The following ZNF804A variants were observed in gnomAD, a reference collection of about 807,000 sequenced individuals.
The protein encoded by ZNF804A is zinc finger protein 804A.
In ZNF804A, 2 loss-of-function variants were observed where a neutral mutation model predicts 16.5. That is an observed-to-expected ratio of 0.12 (90% CI 0.05 to 0.38). The LOEUF is 0.38. ZNF804A is among the 10% of genes least tolerant of loss of function. The pLI, the probability that ZNF804A is intolerant of heterozygous loss-of-function variation, is 0.99. For missense variants in ZNF804A, 1,473 were observed against 1,390.7 expected (o/e 1.06, Z -0.94); for synonymous variants, 534 against 489.6 (o/e 1.09, Z -1.20).
chr2:184,729,048 T>C (rs1329961128), intron 1 of ZNF804A, among the ~76,000 whole-genome samples: 1 of 151,754 alleles, frequency 6.6e-6, no homozygotes, highest in Non-Finnish European at 1.5e-5. Context: ...GGTTAAGGGA[T>C]TGGGGAGATG....
intron 2 of ZNF804A, among the ~76,000 whole-genome samples, chr2:184,924,702 G>T (rs1685580920): frequency 6.6e-6 from 1 of 151,430 alleles, no homozygotes; most frequent in South Asian, 2.1e-4. Flanking sequence ...TCTTAGTAGT[G>T]CTTTGGTTGT....
At chr2:184,727,039 T>G (rs370569884) in intron 1 of ZNF804A, among the ~76,000 whole-genome samples, 3 of 151,624 alleles carry the variant, frequency 2.0e-5, no homozygotes, top group African/African-American at 7.2e-5. Flanking sequence ...AAAGTAAACC[T>G]TATCTATAAG....
chr2:184,643,529 C>A (rs1274873189), intron 1 of ZNF804A, among the ~76,000 whole-genome samples: 7 of 151,936 alleles, frequency 4.6e-5, no homozygotes, highest in Non-Finnish European at 8.8e-5. Context: ...AGCAACAAAT[C>A]TATTTTACTA....
At chr2:184,918,918 T>C (rs1685491891) in intron 2 of ZNF804A, among the ~76,000 whole-genome samples, 1 of 152,182 alleles carries the variant, frequency 6.6e-6, no homozygotes. Context: ...GAAAAATATC[T>C]TTTTTCACCC....
intron 2 of ZNF804A, among the ~76,000 whole-genome samples, chr2:184,885,492 G>T (rs1260512190): frequency 2.0e-5 from 3 of 152,146 alleles, no homozygotes; most frequent in African/African-American, 7.2e-5. Flanking sequence ...TTACACCATG[G>T]AATCCTACAC....
intron 1 of ZNF804A, among the ~76,000 whole-genome samples, chr2:184,663,191 T>C (rs1347838361): frequency 1.3e-5 from 2 of 152,170 alleles, no homozygotes; most frequent in African/African-American, 2.4e-5. Context: ...GACATCCCTG[T>C]GCTCTCTGGT....
At chr2:184,769,504 T>C (rs1694180295) in intron 1 of ZNF804A, among the ~76,000 whole-genome samples, 2 of 152,098 alleles carry the variant, frequency 1.3e-5, no homozygotes, top group South Asian at 2.1e-4. Context: ...TTGAATAGTA[T>C]AATTTAATAG....
chr2:184,647,731 G>A (rs549310338), intron 1 of ZNF804A, among the ~76,000 whole-genome samples: 2 of 152,138 alleles, frequency 1.3e-5, no homozygotes, highest in Non-Finnish European at 2.9e-5. Flanking sequence ...AGAAATATGG[G>A]ATTATGTAAA....
At chr2:184,920,237 G>A (rs142835748) in intron 2 of ZNF804A, among the ~76,000 whole-genome samples, 40 of 152,248 alleles carry the variant, frequency 2.6e-4, no homozygotes, top group African/African-American at 9.4e-4. Context: ...TCTGTCAAAT[G>A]TCACTTGCCC....
At position 184,881,596 on chromosome 2, in the gene ZNF804A, G is replaced by T. The variant is rs1267587148; in HGVS notation, c.255+15084G>T. Reference sequence around the variant, plus strand: ...TTGTCAGCAGAAACCTTAGAAGCTAGCAGAGATTAGGGGTCTATATTCAGC... The same window carrying T: ...TTGTCAGCAGAAACCTTAGAAGCTATCAGAGATTAGGGGTCTATATTCAGC... On this transcript the variant is annotated intron_variant, in intron 2 of 3. Coordinates refer to ENST00000302277, the MANE Select transcript of ZNF804A (RefSeq NM_194250.2). 2.0e-5 allele frequency among the ~76,000 whole-genome samples: 3 copies of T among 152,022 alleles called. No homozygotes were observed. In the East Asian group the frequency reaches 5.8e-4, roughly 29 times the overall value.
At chr2:184,876,657 G>T (rs956259858) in intron 2 of ZNF804A, among the ~76,000 whole-genome samples, 2 of 152,096 alleles carry the variant, frequency 1.3e-5, no homozygotes, top group Non-Finnish European at 2.9e-5. Flanking sequence ...TTTGTCTTGA[G>T]TATGCACCAG....
intron 1 of ZNF804A, among the ~76,000 whole-genome samples, chr2:184,815,995 T>C (rs1366719918): frequency 6.6e-6 from 1 of 152,000 alleles, no homozygotes; most frequent in Non-Finnish European, 1.5e-5. Context: ...TTTTAAAATA[T>C]ACAGGTACAG....
intron 1 of ZNF804A, among the ~76,000 whole-genome samples, chr2:184,671,323 A>C (rs936390498): frequency 1.3e-5 from 2 of 152,190 alleles, no homozygotes; most frequent in Non-Finnish European, 2.9e-5. Context: ...TTATCTTCTG[A>C]CTACTGTCTG....
At chr2:184,793,845 C>G (rs1263752137) in intron 1 of ZNF804A, among the ~76,000 whole-genome samples, 1 of 152,080 alleles carries the variant, frequency 6.6e-6, no homozygotes, top group Non-Finnish European at 1.5e-5. Flanking sequence ...TCCTGAGTTA[C>G]TTCACTTAGA....
chr2:184,816,108 G>T (rs988099817), intron 1 of ZNF804A, among the ~76,000 whole-genome samples: 1 of 151,944 alleles, frequency 6.6e-6, no homozygotes, highest in Non-Finnish European at 1.5e-5. Flanking sequence ...TTTCCCTCAG[G>T]CAATAAAAGA....
intron 1 of ZNF804A, among the ~76,000 whole-genome samples, chr2:184,622,987 A>G (rs1450828554): frequency 6.6e-6 from 1 of 152,064 alleles, no homozygotes; most frequent in Non-Finnish European, 1.5e-5. Context: ...ATGAGAAGCT[A>G]TATGCTATTA....
intron 1 of ZNF804A, among the ~76,000 whole-genome samples, chr2:184,838,890 T>C (rs1354581978): frequency 3.3e-5 from 5 of 152,152 alleles, no homozygotes; most frequent in Non-Finnish European, 2.9e-5. Flanking sequence ...GAAAACATTG[T>C]TTTCATAAGG....
In ZNF804A at chr2:184,663,989, T is replaced by G. The variant is rs1692219241; in HGVS notation, c.111+64919T>G. Among the ~76,000 whole-genome samples the G allele has an allele frequency of 7.2e-5, 11 of 152,188 alleles. No individual in the cohort carries two copies. In the South Asian group the frequency reaches 2.3e-3, roughly 31 times the overall value. On this transcript the variant is annotated intron_variant, in intron 1 of 3. Coordinates refer to ENST00000302277, the MANE Select transcript of ZNF804A (RefSeq NM_194250.2). The stretch of plus-strand genomic sequence containing the variant: ...GAATTTAGAAGAATATGGAAGATAA[T>G]AAGAAATAATTTTAGAAGTCACCAA...
intron 1 of ZNF804A, among the ~76,000 whole-genome samples, chr2:184,790,490 T>C (rs1457334678): frequency 1.3e-5 from 2 of 152,134 alleles, no homozygotes; most frequent in East Asian, 1.9e-4. Context: ...TTCTTAGATA[T>C]AGCAGTATTT....
Sources: allele counts gnomAD v4.1 joint callset (sites outside exome capture counted in the v4.1 genomes callset), GRCh38; gene constraint gnomAD v4.1.1; transcripts MANE v1.5; gene names NCBI Gene and HGNC (gene_info 2026-07-23, HGNC 2026-07-21).